BLTP2: variants seen among roughly 807,000 people sequenced by gnomAD.
The protein encoded by BLTP2 is U937-associated antigen.
the BLTP2 span, chr17:28,632,211 A>G: frequency 1.2e-6 from 2 of 1,605,904 alleles, no homozygotes; most frequent in Non-Finnish European, 8.5e-7. Flanking sequence ...GGGTACTACT[A>G]TATAGCAGAA....
At chr17:28,624,116 T>C in the BLTP2 span, 6 of 1,398,672 alleles carry the variant, frequency 4.3e-6, no homozygotes, top group Non-Finnish European at 5.9e-6. Context: ...ATGATACCTA[T>C]GAGAAGGCCA....
the BLTP2 span, chr17:28,620,396 A>G: frequency 7.9e-7 from 1 of 1,259,596 alleles, no homozygotes; most frequent in Non-Finnish European, 1.1e-6. Flanking sequence ...TCTACCAACC[A>G]CAAGGCCCTT....
At chr17:28,628,145 A>T in the BLTP2 span, 1 of 864,542 alleles carries the variant, frequency 1.2e-6, no homozygotes, top group Non-Finnish European at 1.8e-6. Context: ...AAGGAAAAAT[A>T]ATAGTTTCAC....
chr17:28,640,783 T>C, the BLTP2 span: 1,368 of 1,166,270 alleles, frequency 1.2e-3, 12 homozygotes, highest in African/African-American at 0.018. Context: ...CCACATAAAG[T>C]AGGCTAAGCA....
At chr17:28,642,408 T>C in the BLTP2 span, 688 of 1,245,036 alleles carry the variant, frequency 5.5e-4, 4 homozygotes, top group African/African-American at 9.5e-3. Context: ...CCCCAGCACT[T>C]TGGGAGGCCA....
At chr17:28,632,792 G>C in the BLTP2 span, 1 of 515,964 alleles carries the variant, frequency 1.9e-6, no homozygotes, top group African/African-American at 1.9e-5. Flanking sequence ...CCTTTCCCCT[G>C]CCAAAAAACA....
At chr17:28,634,568 G>T in the BLTP2 span, 1 of 1,614,108 alleles carries the variant, frequency 6.2e-7, no homozygotes, top group East Asian at 2.2e-5. Context: ...TGAATGACAA[G>T]ATCTAATCCC....
chr17:28,636,265 C>T, the BLTP2 span, among the ~76,000 whole-genome samples: 1 of 152,130 alleles, frequency 6.6e-6, no homozygotes. Context: ...TGAAGTCTGA[C>T]AAGGAGGAAC....
chr17:28,627,016 A>G, the BLTP2 span, among the ~76,000 whole-genome samples: 2 of 152,294 alleles, frequency 1.3e-5, no homozygotes, highest in African/African-American at 2.4e-5. Flanking sequence ...AACCTTTGGA[A>G]TCTGATGCTG....
the BLTP2 span, chr17:28,634,655 C>T: frequency 6.2e-7 from 1 of 1,614,212 alleles, no homozygotes; most frequent in South Asian, 1.1e-5. Flanking sequence ...AAGGAGGCAT[C>T]TGCCAGAGCT....
the BLTP2 span, chr17:28,617,079 AGAG>A: frequency 8.2e-7 from 1 of 1,223,140 alleles, no homozygotes; most frequent in South Asian, 1.3e-5. Flanking sequence ...CTGCAGAATG[AGAG>A]GAGAAGCAAT....
chr17:28,626,596 C>T, the BLTP2 span, among the ~76,000 whole-genome samples: 1 of 152,312 alleles, frequency 6.6e-6, no homozygotes, highest in East Asian at 1.9e-4. Context: ...AAGAGAGGGG[C>T]TGAAGGCTAA....
At chr17:28,643,796 A>G in the BLTP2 span, 2 of 937,750 alleles carry the variant, frequency 2.1e-6, no homozygotes, top group Admixed American at 2.1e-5. Context: ...CTTAAATTAG[A>G]ACAGTAAAAT....
chr17:28,636,918 G>T, the BLTP2 span: 1 of 1,449,558 alleles, frequency 6.9e-7, no homozygotes, highest in Non-Finnish European at 9.7e-7. Context: ...AAGGCTCTAA[G>T]CTGAGGAAAA....
chr17:28,625,717 C>A, the BLTP2 span, among the ~76,000 whole-genome samples: 5 of 152,160 alleles, frequency 3.3e-5, no homozygotes, highest in East Asian at 1.9e-4. Context: ...ATCTTTCCAT[C>A]CATCTTATCT....
At chr17:28,630,582 G>A in the BLTP2 span, among the ~76,000 whole-genome samples, 1 of 149,242 alleles carries the variant, frequency 6.7e-6, no homozygotes, top group Non-Finnish European at 1.5e-5. Context: ...CCGGGTTCAA[G>A]AGATTCTCCT....
At chr17:28,637,694 C>A in the BLTP2 span, 2 of 680,346 alleles carry the variant, frequency 2.9e-6, no homozygotes, top group Non-Finnish European at 5.0e-6. Flanking sequence ...TTTTTGGAGA[C>A]AGAGTCTCGC....
At chr17:28,631,268 C>T in the BLTP2 span, among the ~76,000 whole-genome samples, 1 of 152,208 alleles carries the variant, frequency 6.6e-6, no homozygotes, top group Non-Finnish European at 1.5e-5. Flanking sequence ...AGGACAGACA[C>T]AAGGCAGCCA....
At chr17:28,616,026 T>C in the BLTP2 span, 9 of 1,283,816 alleles carry the variant, frequency 7.0e-6, no homozygotes, top group Non-Finnish European at 1.0e-5. This position sits in a 1 kb window ranked among gnomAD's most constrained non-coding sequence, Gnocchi z 4.8. Flanking sequence ...GCTGTCTCCC[T>C]GTATAGAATC....
Sources: gnomAD v4.1 joint callset for allele counts (sites outside exome capture counted in the v4.1 genomes callset) on GRCh38, gnomAD v4.1.1 for gene constraint, Gnocchi (gnomAD v3.1) non-coding constraint, MANE v1.5 for transcripts, NCBI Gene and HGNC (gene_info 2026-07-23, HGNC 2026-07-21) for gene names.